The following FRK variants were observed in gnomAD, a reference collection of about 807,000 sequenced individuals.
FRK encodes tyrosine-protein kinase FRK.
A neutral mutation model predicts 56.4 loss-of-function variants in FRK; 51 were observed. That is an observed-to-expected ratio of 0.90 (90% CI 0.72 to 1.14). The LOEUF (loss-of-function observed/expected upper bound fraction) is 1.14, where lower values mean the gene tolerates loss of function less well. Among genes scored for constraint, FRK ranks in the 50% most tolerant of loss-of-function variants. The pLI is 0.00. For missense variants in FRK, 570 were observed against 601.4 expected (o/e 0.95, Z 0.55); for synonymous variants, 245 against 217.9 (o/e 1.12, Z -1.10).
chr6:116,096,079 C>T, the FRK span, among the ~76,000 whole-genome samples: 13 of 152,252 alleles, frequency 8.5e-5, no homozygotes, highest in South Asian at 2.1e-4. Flanking sequence ...TCTAGGATCA[C>T]GGCCATCAAG....
At position 115,931,970 on chromosome 6, in the gene FRK, A is replaced by C. The variant is rs1333528963; in HGVS notation, c.*10444T>G. The C allele has an allele frequency of 6.6e-6, 1 of 152,214 alleles. No individual in the cohort carries two copies. The highest frequency in any genetic ancestry group is 1.5e-5 in the Non-Finnish European group (1 of 68,034). The allele number at this position is 152,214 out of a possible 1,614,324, so 9.4% of individuals were successfully genotyped here. On this transcript the variant is annotated 3_prime_UTR_variant, in exon 8 of 8. Coordinates refer to ENST00000606080, the MANE Select transcript of FRK (RefSeq NM_002031.3). ...TTTCTGGAAAAGCTGATTATTCTCC[A>C]TGAAAATGAAAAAGATGTTACATTG...
In FRK at chr6:116,059,965, C is replaced by T; in HGVS notation, c.344+3G>A. On this transcript the variant is annotated splice_donor_region_variant and intron_variant, in intron 1 of 7. Transcript: ENST00000606080. ...AAATTAAGTATAAGTTTGTACTACT[C>T]ACGGCTCTGCCTGTAGGCTTCTGTC... The T allele has an allele frequency of 1.2e-6, 2 of 1,611,892 alleles. No individual in the cohort carries two copies. Among genetic ancestry groups the T allele is most frequent in the African/African-American group, 1.3e-5 (1 of 74,966 alleles).
rs1174586929 is a variant in FRK at position 115,931,856 on chromosome 6, C to T, written c.*10558G>A. 1 of 152,154 alleles carries T rather than the reference C, an allele frequency of 6.6e-6. No individual in the cohort carries two copies. Among genetic ancestry groups the T allele is most frequent in the East Asian group, 1.9e-4 (1 of 5,194 alleles). 9.4% of individuals were successfully genotyped at this position (152,154 alleles called of 1,614,324 possible). A position where few individuals can be genotyped will look rare whatever the true frequency, so the allele number is the denominator to read the frequency against. ...TTAACCACTTTTTCCCAACATACAA[C>T]TTCTGGTTATTAGGTAATATGACTT... On this transcript the variant is annotated 3_prime_UTR_variant, in exon 8 of 8. Coordinates refer to ENST00000606080, the MANE Select transcript of FRK (RefSeq NM_002031.3).
At chr6:116,010,778 C>T (rs1775434189) in intron 1 of FRK, among the ~76,000 whole-genome samples, 1 of 152,124 alleles carries the variant, frequency 6.6e-6, no homozygotes, top group Admixed American at 6.6e-5. Context: ...CTTTATGTCT[C>T]GACACATTCA....
At chr6:116,025,123 C>A (rs1776039904) in intron 1 of FRK, among the ~76,000 whole-genome samples, 1 of 152,096 alleles carries the variant, frequency 6.6e-6, no homozygotes, top group South Asian at 2.1e-4. Flanking sequence ...GAAAGAATTG[C>A]AGGCCCCATG....
In FRK at chr6:115,932,593, T is replaced by C. The variant is rs911653587; in HGVS notation, c.*9821A>G. ...ATCATCACCATTCTAGCTCACATAATGTGTCTTTTTAAAGAATCATAATGA... is the reference window on the plus strand; with the variant it reads ...ATCATCACCATTCTAGCTCACATAACGTGTCTTTTTAAAGAATCATAATGA... On this transcript the variant is annotated 3_prime_UTR_variant, in exon 8 of 8. Transcript: ENST00000606080. The C allele has an allele frequency of 7.9e-5, 12 of 152,202 alleles. No homozygotes were observed. Among genetic ancestry groups the C allele is most frequent in the Non-Finnish European group, 1.8e-4 (12 of 68,020 alleles). The allele number at this position is 152,202 out of a possible 1,614,324, so 9.4% of individuals were successfully genotyped here.
chr6:116,024,096 ACAC>A (rs1309187244), intron 1 of FRK, among the ~76,000 whole-genome samples: 2 of 144,124 alleles, frequency 1.4e-5, no homozygotes, highest in African/African-American at 5.0e-5. Flanking sequence ...ACACACACAC[ACAC>A]ATTAGACTGA....
rs1184863158 is a variant in FRK, at chr6:115,958,696, G to GA, written c.800-2087dup. Reference sequence around the variant, plus strand: ...AGAAAGAAAGAAAGAAAGAAAGAAAGAAAGAAAGAAGAAAGAAAGAAAGAA... The same window carrying GA: ...AGAAAGAAAGAAAGAAAGAAAGAAAGAAAAGAAAGAAGAAAGAAAGAAAGAA... On this transcript the variant is annotated intron_variant, in intron 4 of 7. Coordinates refer to ENST00000606080, the MANE Select transcript of FRK (RefSeq NM_002031.3). 2.3e-3 allele frequency among the ~76,000 whole-genome samples: 18 copies of GA among 7,866 alleles called. 1 individual carries two copies. Among genetic ancestry groups the GA allele is most frequent in the Admixed American group, 4.6e-3 (3 of 652 alleles). 5.2% of individuals were successfully genotyped at this position (7,866 alleles called of 152,430 possible).
intron 2 of FRK, among the ~76,000 whole-genome samples, chr6:115,986,406 T>C (rs1479898098): frequency 6.6e-6 from 1 of 152,082 alleles, no homozygotes; most frequent in Non-Finnish European, 1.5e-5. Flanking sequence ...CAGCAGCCAT[T>C]ATATAGCTTG....
chr6:115,933,290 C>T lies in FRK; in HGVS notation c.*9124G>A, dbSNP rs565222939. 1 of 152,282 alleles carries T rather than the reference C, an allele frequency of 6.6e-6. No homozygotes were observed. Among genetic ancestry groups the T allele is most frequent in the East Asian group, 1.9e-4 (1 of 5,180 alleles). The allele number at this position is 152,282 out of a possible 1,614,324, so 9.4% of individuals were successfully genotyped here. On this transcript the variant is annotated 3_prime_UTR_variant, in exon 8 of 8. Coordinates refer to ENST00000606080, the MANE Select transcript of FRK (RefSeq NM_002031.3). ...TAAATAAAACATTATATGAAAAGTG[C>T]TTTGCTACAATTTATGGGAGGTAAA...
intron 1 of FRK, among the ~76,000 whole-genome samples, chr6:116,045,324 C>T (rs1776905780): frequency 6.6e-6 from 1 of 152,178 alleles, no homozygotes; most frequent in Admixed American, 6.5e-5. Context: ...TGCCACCTGA[C>T]TTCAAACTAT....
intron 1 of FRK, among the ~76,000 whole-genome samples, chr6:116,005,747 T>C (rs1463629732): frequency 6.6e-6 from 1 of 152,140 alleles, no homozygotes; most frequent in Non-Finnish European, 1.5e-5. Context: ...AACAAGTCAA[T>C]AGAATACTTG....
At chr6:116,100,191 T>A in the FRK span, among the ~76,000 whole-genome samples, 4 of 152,224 alleles carry the variant, frequency 2.6e-5, no homozygotes, top group Admixed American at 6.5e-5. Flanking sequence ...AATAGGATTA[T>A]CAAGTAATAA....
chr6:116,024,389 A>G (rs1775999331), intron 1 of FRK, among the ~76,000 whole-genome samples: 1 of 151,294 alleles, frequency 6.6e-6, no homozygotes, highest in Non-Finnish European at 1.5e-5. Flanking sequence ...AGCATTAGGT[A>G]TATCTCCCAA....
chr6:116,008,722 G>T (rs965445842), intron 1 of FRK, among the ~76,000 whole-genome samples: 2 of 152,154 alleles, frequency 1.3e-5, no homozygotes, highest in Admixed American at 6.6e-5. Flanking sequence ...CACACCCCAG[G>T]CCCGGATGTC....
In FRK at chr6:116,060,524, G is replaced by C; in HGVS notation, c.-213C>G. On this transcript the variant is annotated 5_prime_UTR_variant, in exon 1 of 8. Transcript: ENST00000606080. ...TACCGGCTTGCTTTCTGTGGCTGGA[G>C]GTGCTACCCCGAGGCAAAACTGAGC... is the stretch of plus-strand genomic sequence containing the variant. 1 of 533,428 alleles carries C rather than the reference G, an allele frequency of 1.9e-6. No individual in the cohort carries two copies. The highest frequency in any genetic ancestry group is 3.3e-6 in the Non-Finnish European group (1 of 301,042). 33.0% of individuals were successfully genotyped at this position (533,428 alleles called of 1,614,324 possible). A position where few individuals can be genotyped will look rare whatever the true frequency, so the allele number is the denominator to read the frequency against.
intron 1 of FRK, among the ~76,000 whole-genome samples, chr6:116,015,382 G>A (rs1489092921): frequency 1.3e-5 from 2 of 152,204 alleles, no homozygotes; most frequent in Non-Finnish European, 1.5e-5. Flanking sequence ...ATCCAGAACT[G>A]TGAGACAATT....
At chr6:116,064,967 G>A (rs1777732824), upstream of FRK, among the ~76,000 whole-genome samples, 1 of 151,952 alleles carries the variant, frequency 6.6e-6, no homozygotes. Context: ...CTTTTACTCA[G>A]TATTCCTTCC....
intron 2 of FRK, among the ~76,000 whole-genome samples, chr6:115,970,408 G>T (rs192978795): frequency 4.6e-5 from 7 of 152,174 alleles, no homozygotes; most frequent in African/African-American, 1.7e-4. Context: ...ATTTGTAAGG[G>T]TTCAAACCTG....
Sources: gnomAD v4.1 joint callset for allele counts (sites outside exome capture counted in the v4.1 genomes callset) on GRCh38, gnomAD v4.1.1 for gene constraint, MANE v1.5 for transcripts, NCBI Gene and HGNC (gene_info 2026-07-23, HGNC 2026-07-21) for gene names.